THBS1: variants seen among roughly 807,000 people sequenced by gnomAD.
The protein encoded by THBS1 is thrombospondin 1.
Under a neutral mutation model 126.1 loss-of-function variants are expected in THBS1, and 29 were observed. The ratio of observed to expected loss-of-function variants is 0.23; its 90% CI spans 0.17 to 0.31. The LOEUF is 0.31. THBS1 is among the 10% of genes least tolerant of loss of function. The pLI, the probability that THBS1 is intolerant of heterozygous loss-of-function variation, is 1.00. For synonymous variants in THBS1, 496 were observed against 577.8 expected, an observed-to-expected ratio of 0.86 and a Z score of 2.03; for missense variants, 1,198 against 1,545.2, an observed-to-expected ratio of 0.78 and a Z score of 3.77.
Position 39,582,699 on chromosome 15 carries a change from G to T in THBS1, c.574G>T (p.Ala192Ser). The T allele has an allele frequency of 6.2e-7, 1 of 1,613,386 alleles. No individual in the cohort carries two copies. Among genetic ancestry groups the T allele is most frequent in the Non-Finnish European group, 8.5e-7 (1 of 1,180,010 alleles). ...CCAAAGCGTCTTCACCAGAGACCTG[G>T]CCAGCATCGCCAGACTCCGCATCGC... ...PIQSVFTRDLASIARLRIAKG... is the reference protein window; with the variant it reads ...PIQSVFTRDLSSIARLRIAKG... Residue 192 changes from alanine to serine, a missense_variant, in exon 3 of 22, where the codon GCC (alanine) becomes TCC (serine). Ala to Ser is a moderately conservative substitution (Grantham distance 99, BLOSUM62 1). Transcript: ENST00000260356.
rs2229364 is a variant in THBS1 at position 39,587,516 on chromosome 15, G to A, written c.1290G>A (p.Lys430=). The change falls in exon 8 of 22, where the codon AAG becomes AAA. Residue 430 remains lysine (K), a synonymous_variant. Transcript: ENST00000260356. ...TRTCHIQECD[K]RFKQDGGWSH... ...CCTGCCACATTCAGGAGTGTGACAAGAGATGTAAGCATCTTAGCCTCTCAG... is the reference window on the plus strand; with the variant it reads ...CCTGCCACATTCAGGAGTGTGACAAAAGATGTAAGCATCTTAGCCTCTCAG... 0.13 allele frequency: 209,063 copies of A among 1,610,996 alleles called. 15,362 individuals are homozygous for A. The highest frequency in any genetic ancestry group is 0.33 in the East Asian group (14,648 of 44,736).
intron 8 of THBS1, among the ~76,000 whole-genome samples, chr15:39,587,739 T>G (rs1331877664): frequency 6.6e-6 from 1 of 152,224 alleles, no homozygotes; most frequent in African/African-American, 2.4e-5. Flanking sequence ...TAAGTTTATC[T>G]TGAGCATTTT....
intron 10 of THBS1, 30 bp from the exon 11 acceptor site, chr15:39,588,929 A>T: frequency 6.2e-7 from 1 of 1,614,104 alleles, no homozygotes. Context: ...CCAACCATTT[A>T]CTGTGACTGT....
rs1890326338 is a variant in THBS1, at chr15:39,591,422, T to C, written c.2413+72T>C. 1.1e-5 allele frequency: 18 copies of C among 1,603,432 alleles called. No individual in the cohort carries two copies. The South Asian group carries it at 1.9e-4, about 17-fold the overall frequency. On this transcript the variant is annotated intron_variant, in intron 15 of 21. Transcript: ENST00000260356. Reference sequence around the variant, plus strand: ...ACAGCTTTCCAAACGTACTTCTGTCTAGTCCTGGCTATTAGTATGCACTTT... The same window carrying C: ...ACAGCTTTCCAAACGTACTTCTGTCCAGTCCTGGCTATTAGTATGCACTTT...
intron 7 of THBS1, 39 bp from the exon 8 acceptor site, chr15:39,587,308 A>G: frequency 6.3e-7 from 1 of 1,582,634 alleles, no homozygotes; most frequent in Non-Finnish European, 8.6e-7. Flanking sequence ...AGCTTGTCCT[A>G]ATCATCACGT....
Position 39,589,319 on chromosome 15 carries a change from G to A in THBS1, c.1891G>A (p.Gly631Ser), listed in dbSNP as rs756643657. The change falls in exon 12 of 22, where the codon GGC (glycine) becomes AGC (serine). Residue 631 changes from glycine (G) to serine (S), a missense_variant. Transcript: ENST00000260356. The surrounding 1 kb of genome is among the most constrained non-coding windows in gnomAD (Gnocchi z 4.7). The stretch of plus-strand genomic sequence containing the variant: ...ACGCTTCACCGGCTCACAGCCCTTC[G>A]GCCAGGGTGTCGAACATGCCACGGC... ...PPRFTGSQPF[G>S]QGVEHATANK... The A allele has an allele frequency of 5.0e-6, 8 of 1,613,868 alleles. No homozygotes were observed. Among genetic ancestry groups the A allele is most frequent in the Middle Eastern group, 1.6e-4 (1 of 6,084 alleles).
Position 39,594,436 on chromosome 15 carries a change from T to C in THBS1, c.3501T>C (p.Cys1167=). 1 of 1,613,978 alleles carries C rather than the reference T, an allele frequency of 6.2e-7. No homozygotes were observed. Among genetic ancestry groups the C allele is most frequent in the Non-Finnish European group, 8.5e-7 (1 of 1,179,922 alleles). The change falls in exon 21 of 22, where the codon TGT becomes TGC. Residue 1167 remains cysteine (C), a synonymous_variant. Coordinates refer to ENST00000260356, the MANE Select transcript of THBS1 (RefSeq NM_003246.4). This position sits in a 1 kb window ranked among gnomAD's most constrained non-coding sequence, Gnocchi z 4.4. ...MVFFSDLKYE[C]RDP Reference sequence around the variant, plus strand: ...TCTTCTCTGACCTGAAATACGAATGTAGAGGTAAGAGCAACATCACCATGA... The same window carrying C: ...TCTTCTCTGACCTGAAATACGAATGCAGAGGTAAGAGCAACATCACCATGA...
intron 1 of THBS1, 150 bp from the exon 2 acceptor site, chr15:39,581,679 G>T: frequency 4.1e-6 from 2 of 491,482 alleles, no homozygotes; most frequent in East Asian, 3.1e-5. Flanking sequence ...ATGCTCTCTG[G>T]AAAGTAATCC....
intron 3 of THBS1, 40 bp from the exon 4 acceptor site, chr15:39,583,577 G>T: frequency 1.5e-6 from 1 of 647,716 alleles, no homozygotes; most frequent in South Asian, 1.4e-5. Flanking sequence ...TCCCCACCCC[G>T]CTCTGCATTC....
chr15:39,587,408 C>G lies in THBS1; in HGVS notation c.1182C>G (p.Ser394Arg). 1 of 1,613,998 alleles carries G rather than the reference C, an allele frequency of 6.2e-7. No homozygotes were observed. The highest frequency in any genetic ancestry group is 8.5e-7 in the Non-Finnish European group (1 of 1,180,036). ...PWSEWTSCST[S>R]CGNGIQQRGR... Reference sequence around the variant, plus strand: ...CCGAGTGGACCTCCTGTTCTACGAGCTGTGGCAATGGAATTCAGCAGCGCG... The same window carrying G: ...CCGAGTGGACCTCCTGTTCTACGAGGTGTGGCAATGGAATTCAGCAGCGCG... Residue 394 changes from serine to arginine, a missense_variant, in exon 8 of 22, where the codon AGC (serine) becomes AGG (arginine). This residue lies in a region of THBS1 where 663 missense variants were observed against 860.1 expected (regional missense o/e 0.77). Coordinates refer to ENST00000260356, the MANE Select transcript of THBS1 (RefSeq NM_003246.4).
In THBS1 at chr15:39,595,968, C is replaced by G. The variant is rs1890434308; in HGVS notation, c.*599C>G. ...TGCTGACTGGCGTTAGCTGATTAAC[C>G]CATGTAAATAGGCACTTAAATAGAA... On this transcript the variant is annotated 3_prime_UTR_variant, in exon 22 of 22. Transcript: ENST00000260356. 1 of 417,818 alleles carries G rather than the reference C, an allele frequency of 2.4e-6. No homozygotes were observed. The highest frequency in any genetic ancestry group is 4.9e-6 in the Non-Finnish European group (1 of 205,646). The allele number at this position is 417,818 out of a possible 1,614,324, so 25.9% of individuals were successfully genotyped here. A position where few individuals can be genotyped will look rare whatever the true frequency, so the allele number is the denominator to read the frequency against.
intron 7 of THBS1, among the ~76,000 whole-genome samples, chr15:39,586,362 G>A (rs1333556051): frequency 6.6e-6 from 1 of 152,190 alleles, no homozygotes; most frequent in Admixed American, 6.5e-5. Context: ...CACTTAACAT[G>A]TGCGTTAAAA....
intron 8 of THBS1, 90 bp downstream of exon 8, chr15:39,587,610 C>A: frequency 7.4e-7 from 1 of 1,342,790 alleles, no homozygotes; most frequent in Non-Finnish European, 1.0e-6. Context: ...ATATTAAGAA[C>A]ACGGGTTCTA....
rs1374628151 is a variant in THBS1, at chr15:39,587,336, T to A, written c.1121-11T>A. On this transcript the variant is annotated splice_polypyrimidine_tract_variant and intron_variant, in intron 7 of 21. Transcript: ENST00000260356. ...CATCACGTACCTGATGAACCTCTGT[T>A]TCCCCTGCAGCCAGCGACTCTGCGG... 4 of 1,606,418 alleles carry A rather than the reference T, an allele frequency of 2.5e-6. No individual in the cohort carries two copies. In the East Asian group the frequency reaches 6.7e-5, roughly 27 times the overall value.
Position 39,593,696 on chromosome 15 carries a change from G to A in THBS1, c.3267+28G>A. ...AAGAAGCAAAGCCCTGGAACAGAGAGAGAGCTTATGGGTGCCTGACTAGCA... is the reference window on the plus strand; with the variant it reads ...AAGAAGCAAAGCCCTGGAACAGAGAAAGAGCTTATGGGTGCCTGACTAGCA... On this transcript the variant is annotated intron_variant, in intron 19 of 21. Coordinates refer to ENST00000260356, the MANE Select transcript of THBS1 (RefSeq NM_003246.4). This position sits in a 1 kb window ranked among gnomAD's most constrained non-coding sequence, Gnocchi z 5.9. 1 of 1,609,102 alleles carries A rather than the reference G, an allele frequency of 6.2e-7. No individual in the cohort carries two copies. The highest frequency in any genetic ancestry group is 8.5e-7 in the Non-Finnish European group (1 of 1,177,990).
At position 39,593,924 on chromosome 15, in the gene THBS1, T is replaced by G; in HGVS notation, c.3268-175T>G. ...CTCCTTCCCTCCTCTCTGTCTGCTTTATATGTGTGCTCAGTGGCACACAAC... is the reference window on the plus strand; with the variant it reads ...CTCCTTCCCTCCTCTCTGTCTGCTTGATATGTGTGCTCAGTGGCACACAAC... On this transcript the variant is annotated intron_variant, in intron 19 of 21. Transcript: ENST00000260356. This position sits in a 1 kb window ranked among gnomAD's most constrained non-coding sequence, Gnocchi z 5.9. 2.3e-6 allele frequency: 2 copies of G among 871,920 alleles called. No homozygotes were observed. Among genetic ancestry groups the G allele is most frequent in the Non-Finnish European group, 3.4e-6 (2 of 581,320 alleles). 54.0% of individuals were successfully genotyped at this position (871,920 alleles called of 1,614,324 possible).
intron 13 of THBS1, 141 bp downstream of exon 13, chr15:39,590,164 T>A: frequency 1.2e-6 from 1 of 850,584 alleles, no homozygotes; most frequent in Non-Finnish European, 1.7e-6. Flanking sequence ...CACTAATTCC[T>A]ATTAAAATTA....
At position 39,582,590 on chromosome 15, in the gene THBS1, C is replaced by G. The variant is rs1890133331; in HGVS notation, c.465C>G (p.Ser155Arg). ...EALLATGQWK[S>R]ITLFVQEDRA... The stretch of plus-strand genomic sequence containing the variant: ...TCCTGGCAACCGGCCAGTGGAAGAG[C>G]ATCACCCTGTTTGTGCAGGAAGACA... Residue 155 changes from serine (S) to arginine (R), a missense_variant, in exon 3 of 22, where the codon AGC becomes AGG. Transcript: ENST00000260356. The G allele has an allele frequency of 6.2e-7, 1 of 1,614,044 alleles. No homozygotes were observed. The highest frequency in any genetic ancestry group is 1.3e-5 in the African/African-American group (1 of 74,950).
intron 7 of THBS1, among the ~76,000 whole-genome samples, chr15:39,586,002 A>C (rs950486314): frequency 6.6e-6 from 1 of 152,196 alleles, no homozygotes; most frequent in Admixed American, 6.5e-5. Context: ...TGTAGGGATA[A>C]GAGGGCCTAA....
Sources: gnomAD v4.1 joint callset for allele counts (sites outside exome capture counted in the v4.1 genomes callset) on GRCh38, gnomAD v4.1.1 for gene constraint, gnomAD v4.1.1 regional missense constraint, Gnocchi (gnomAD v3.1) non-coding constraint, MANE v1.5 for transcripts, NCBI Gene and HGNC (gene_info 2026-07-23, HGNC 2026-07-21) for gene names.